Variants in MACROD2 observed in about 807,000 individuals in gnomAD.
The protein encoded by MACROD2 is mono-ADP ribosylhydrolase 2.
A neutral mutation model predicts 70.4 loss-of-function variants in MACROD2; 36 were observed. That is an observed-to-expected ratio of 0.51 (90% CI 0.39 to 0.68). MACROD2 has a LOEUF of 0.68. MACROD2 is among the 30% of genes least tolerant of loss of function. MACROD2 has a pLI of 0.00. For missense variants in MACROD2, 496 were observed against 538.4 expected (o/e 0.92, Z 0.78); for synonymous variants, 172 against 178.8 (o/e 0.96, Z 0.30).
Position 15,442,424 on chromosome 20 carries a change from C to T in MACROD2, c.571+10989C>T, listed in dbSNP as rs77357611. Among the ~76,000 whole-genome samples, 1,461 of 152,232 alleles carry T rather than the reference C, an allele frequency of 9.6e-3. 31 individuals carry two copies. Among genetic ancestry groups the T allele is most frequent in the African/African-American group, 0.033 (1,387 of 41,556 alleles). On this transcript the variant is annotated intron_variant, in intron 7 of 17. Coordinates refer to ENST00000684519, the MANE Select transcript of MACROD2 (RefSeq NM_001351661.2). ...TTGTGGAGGATTTGTTCCACTCTGT[C>T]ATTCAAGGAGCCAGGAATCTACCAT...
At chr20:15,534,760 C>G (rs2047851168) in intron 8 of MACROD2, among the ~76,000 whole-genome samples, 1 of 152,090 alleles carries the variant, frequency 6.6e-6, no homozygotes, top group Non-Finnish European at 1.5e-5. Flanking sequence ...GTGGAGTAAA[C>G]AAAGCAAAGG....
At chr20:14,495,429 C>T (rs2084842558) in intron 4 of MACROD2, among the ~76,000 whole-genome samples, 1 of 152,288 alleles carries the variant, frequency 6.6e-6, no homozygotes, top group South Asian at 2.1e-4. Context: ...AAGCAGATTT[C>T]CCTGGAATCC....
intron 3 of MACROD2, among the ~76,000 whole-genome samples, chr20:14,270,587 CAAAAAAAA>C (rs11480264): frequency 3.2e-5 from 4 of 124,838 alleles, no homozygotes; most frequent in African/African-American, 1.3e-4. Context: ...GACTCCATCT[CAAAAAAAA>C]AAAAAAAAGG....
intron 5 of MACROD2, among the ~76,000 whole-genome samples, chr20:15,009,461 C>T (rs1278052471): frequency 1.3e-5 from 2 of 152,156 alleles, no homozygotes; most frequent in Non-Finnish European, 2.9e-5. Context: ...GCAAACTCAT[C>T]ATCACTCCAG....
At chr20:14,483,125 A>T (rs2084681815) in intron 3 of MACROD2, among the ~76,000 whole-genome samples, 1 of 152,328 alleles carries the variant, frequency 6.6e-6, no homozygotes, top group Admixed American at 6.5e-5. Context: ...TTGAGTAATT[A>T]TCTGGTGATT....
At chr20:14,240,597 C>A (rs2081920332) in intron 3 of MACROD2, among the ~76,000 whole-genome samples, 1 of 152,054 alleles carries the variant, frequency 6.6e-6, no homozygotes, top group African/African-American at 2.4e-5. Context: ...GAACAGAAGA[C>A]CAAATACTGC....
chr20:14,954,764 T>A lies in MACROD2; in HGVS notation c.418+269805T>A, dbSNP rs1457650459. On this transcript the variant is annotated intron_variant, in intron 5 of 17. Transcript: ENST00000684519. ...ATAAATTATAAATATATAAATAAATTTTATATAACATAAATTATAAATATA... is the reference window on the plus strand; with the variant it reads ...ATAAATTATAAATATATAAATAAATATTATATAACATAAATTATAAATATA... Among the ~76,000 whole-genome samples, 6 of 22,104 alleles carry A rather than the reference T, an allele frequency of 2.7e-4. No homozygotes were observed. In the East Asian group the frequency reaches 0.013, roughly 46 times the overall value. The allele number at this position is 22,104 out of a possible 152,430, so 14.5% of individuals were successfully genotyped here.
At chr20:15,086,761 C>T (rs724820) in intron 5 of MACROD2, among the ~76,000 whole-genome samples, 11 of 151,844 alleles carry the variant, frequency 7.2e-5, no homozygotes, top group African/African-American at 2.7e-4. Flanking sequence ...ACTAGTATAA[C>T]GTTGTACAGG....
intron 6 of MACROD2, among the ~76,000 whole-genome samples, chr20:15,399,694 T>C (rs1016675092): frequency 6.6e-6 from 1 of 152,234 alleles, no homozygotes; most frequent in Non-Finnish European, 1.5e-5. Context: ...GTCTGAGTGG[T>C]TGTTTTAAAA....
intron 12 of MACROD2, among the ~76,000 whole-genome samples, chr20:15,965,106 G>T (rs1347449170): frequency 6.6e-6 from 1 of 152,172 alleles, no homozygotes; most frequent in Non-Finnish European, 1.5e-5. Context: ...TCTTAGAATT[G>T]ATAATGTGTT....
At chr20:15,104,191 G>T (rs1273156335) in intron 5 of MACROD2, among the ~76,000 whole-genome samples, 1 of 152,120 alleles carries the variant, frequency 6.6e-6, no homozygotes, top group Non-Finnish European at 1.5e-5. Context: ...TCTTGGGACG[G>T]AACTGAAAGA....
chr20:15,478,139 G>A (rs560949997), intron 7 of MACROD2, among the ~76,000 whole-genome samples: 3 of 152,332 alleles, frequency 2.0e-5, no homozygotes, highest in Admixed American at 6.5e-5. Context: ...AAGTCACTGA[G>A]TTTATAGGGG....
At chr20:15,819,396 A>G (rs1032730769) in intron 8 of MACROD2, among the ~76,000 whole-genome samples, 12 of 144,002 alleles carry the variant, frequency 8.3e-5, no homozygotes, top group Non-Finnish European at 1.5e-4. Flanking sequence ...TAACATATAT[A>G]AAATATTTAT....
At chr20:14,172,142 A>G (rs1310148368) in intron 3 of MACROD2, among the ~76,000 whole-genome samples, 3 of 152,134 alleles carry the variant, frequency 2.0e-5, no homozygotes, top group Non-Finnish European at 4.4e-5. Flanking sequence ...TTTGCCTGAT[A>G]TAGGAATAGG....
intron 8 of MACROD2, among the ~76,000 whole-genome samples, chr20:15,749,633 G>A (rs2051237699): frequency 6.6e-6 from 1 of 151,944 alleles, no homozygotes; most frequent in Admixed American, 6.6e-5. Context: ...TATTTATTGA[G>A]AATATAAACT....
intron 8 of MACROD2, among the ~76,000 whole-genome samples, chr20:15,565,944 T>A (rs1007107023): frequency 2.6e-5 from 4 of 152,132 alleles, no homozygotes; most frequent in African/African-American, 4.8e-5. Context: ...ATCCTTTTCC[T>A]GCCATTTCTT....
intron 8 of MACROD2, among the ~76,000 whole-genome samples, chr20:15,766,210 C>G (rs968476632): frequency 1.3e-5 from 2 of 152,152 alleles, no homozygotes; most frequent in African/African-American, 4.8e-5. Flanking sequence ...CAAGCCATCT[C>G]CATCAGAGCC....
At chr20:15,902,827 C>T (rs527246408) in intron 10 of MACROD2, among the ~76,000 whole-genome samples, 51 of 152,044 alleles carry the variant, frequency 3.4e-4, no homozygotes, top group African/African-American at 1.2e-3. Flanking sequence ...GACATTGTGA[C>T]AACAACTTCA....
rs763570976 is a variant in MACROD2 at position 16,044,627 on chromosome 20, G to C, written c.1288G>C (p.Asp430His). The change falls in exon 17 of 18, where the codon GAT (aspartate) becomes CAT (histidine). Residue 430 changes from aspartate to histidine, a missense_variant. Asp to His is a moderately conservative substitution (Grantham distance 81). Transcript: ENST00000684519. ...VNDPTESQQE[D>H]QLIAGAQDEA... is the part of the protein sequence containing the mutation. Reference sequence around the variant, plus strand: ...TGACCCAACAGAGAGTCAACAAGAAGATCAACTAATAGGTAAGATGCCCCT... The same window carrying C: ...TGACCCAACAGAGAGTCAACAAGAACATCAACTAATAGGTAAGATGCCCCT... 1 of 1,612,026 alleles carries C rather than the reference G, an allele frequency of 6.2e-7. No homozygotes were observed. Among genetic ancestry groups the C allele is most frequent in the African/African-American group, 1.3e-5 (1 of 74,618 alleles).
Sources: allele counts gnomAD v4.1 joint callset (sites outside exome capture counted in the v4.1 genomes callset), GRCh38; gene constraint gnomAD v4.1.1; transcripts MANE v1.5; gene names NCBI Gene and HGNC (gene_info 2026-07-23, HGNC 2026-07-21).